FAT4: variants seen among roughly 807,000 people sequenced by gnomAD.
The protein encoded by FAT4 is protocadherin Fat 4.
Under a neutral mutation model 303.9 loss-of-function variants are expected in FAT4, and 84 were observed. The observed-to-expected ratio is 0.28, with a 90% CI of 0.23 to 0.33. The LOEUF (loss-of-function observed/expected upper bound fraction) is 0.33, where lower values mean the gene tolerates loss of function less well. Ranked by LOEUF, FAT4 falls within the 10% of genes least tolerant of loss-of-function variation. FAT4 has a pLI of 1.00. For missense variants in FAT4, 6,005 were observed against 6,146.8 expected, an observed-to-expected ratio of 0.98 and a Z score of 0.77; for synonymous variants, 2,307 against 2,298.8, an observed-to-expected ratio of 1.00 and a Z score of -0.10.
At chr4:125,391,472 AACACGTGGACACAGAGAAGGGAACAAC>A (rs1162390719) in intron 2 of FAT4, among the ~76,000 whole-genome samples, 1 of 152,128 alleles carries the variant, frequency 6.6e-6, no homozygotes, top group Non-Finnish European at 1.5e-5. Context: ...GAACAATGAG[AACACGTGGACACAGAGAAGGGAACAAC>A]ACACACCAAG....
rs1560752487 is a variant in FAT4 at position 125,317,287 on chromosome 4, G to A, written c.876G>A (p.Glu292=). The change falls in exon 2 of 18, where the codon GAG becomes GAA. Residue 292 remains glutamate (E), a synonymous_variant. Transcript: ENST00000394329. The surrounding 1 kb of genome is among the most constrained non-coding windows in gnomAD (Gnocchi z 7.0). ...ACATCCGCTATCGCCTGCAGGACGA[G>A]GGGACCCCCTTCCAAATGGACCCTG... ...NADIRYRLQD[E]GTPFQMDPET... 3 of 1,593,010 alleles carry A rather than the reference G, an allele frequency of 1.9e-6. No individual in the cohort carries two copies. Among genetic ancestry groups the A allele is most frequent in the Non-Finnish European group, 1.7e-6 (2 of 1,167,418 alleles).
At chr4:125,349,725 T>G (rs974454326) in intron 2 of FAT4, among the ~76,000 whole-genome samples, 30 of 151,914 alleles carry the variant, frequency 2.0e-4, no homozygotes, top group Non-Finnish European at 2.9e-4. Flanking sequence ...ATTGTCATTT[T>G]GCTTGACATT....
At chr4:125,375,173 C>T (rs909447784) in intron 2 of FAT4, among the ~76,000 whole-genome samples, 3 of 152,142 alleles carry the variant, frequency 2.0e-5, no homozygotes, top group Non-Finnish European at 4.4e-5. Context: ...AGTGATTTAG[C>T]AACCACAAAA....
rs1730896068 is a variant in FAT4, at chr4:125,320,578, T to C, written c.4167T>C (p.Asn1389=). 2 of 1,613,942 alleles carry C rather than the reference T, an allele frequency of 1.2e-6. No homozygotes were observed. Among genetic ancestry groups the C allele is most frequent in the East Asian group, 4.5e-5 (2 of 44,890 alleles). The change falls in exon 2 of 18, where the codon AAT becomes AAC. Residue 1389 remains asparagine, a synonymous_variant. Coordinates refer to ENST00000394329, the MANE Select transcript of FAT4 (RefSeq NM_001291303.3). ...DFETQSLYKL[N]ITAKDQGRPP... ...AAACACAGTCTTTGTATAAATTAAA[T>C]ATAACAGCAAAAGACCAAGGAAGAC...
At chr4:125,469,498 A>C (rs1383589878) in intron 12 of FAT4, among the ~76,000 whole-genome samples, 1 of 152,204 alleles carries the variant, frequency 6.6e-6, no homozygotes, top group Non-Finnish European at 1.5e-5. Flanking sequence ...AGCCTCTCTC[A>C]AACCTTGATG....
intron 7 of FAT4, among the ~76,000 whole-genome samples, chr4:125,416,889 T>A (rs1406023058): frequency 6.7e-6 from 1 of 150,118 alleles, no homozygotes; most frequent in Non-Finnish European, 1.5e-5. Context: ...GAGGTTGCAG[T>A]GAGCCGAGAT....
intron 8 of FAT4, among the ~76,000 whole-genome samples, chr4:125,436,701 G>C (rs781740446): frequency 5.9e-5 from 9 of 152,142 alleles, no homozygotes; most frequent in Non-Finnish European, 1.2e-4. Context: ...TAGCAGGCAA[G>C]AGAGCTTGTA....
At chr4:125,438,582 C>T (rs1206173361) in intron 8 of FAT4, among the ~76,000 whole-genome samples, 1 of 152,112 alleles carries the variant, frequency 6.6e-6, no homozygotes, top group African/African-American at 2.4e-5. Context: ...ATCATATATT[C>T]AGTTAAAATG....
At position 125,479,747 on chromosome 4, in the gene FAT4, T is replaced by C. The variant is rs569666845; in HGVS notation, c.12486T>C (p.Pro4162=). The C allele has an allele frequency of 8.2e-6, 13 of 1,592,234 alleles. No individual in the cohort carries two copies. The Admixed American group carries it at 2.0e-4, about 25-fold the overall frequency. ...TCATTATGATTTATTTTAGATGCCC[T>C]AGGCTGGAAGGCGCTTGTACTCGCA... ...LAAQGILDQC[P]RLEGACTRSP... Residue 4162 remains proline, a synonymous_variant, in exon 15 of 18, where the codon CCT becomes CCC. Coordinates refer to ENST00000394329, the MANE Select transcript of FAT4 (RefSeq NM_001291303.3).
chr4:125,430,669 AAT>A (rs1553925197), intron 7 of FAT4, among the ~76,000 whole-genome samples: 1 of 151,348 alleles, frequency 6.6e-6, no homozygotes, highest in Middle Eastern at 3.2e-3. Context: ...GGGAAAAAAA[AAT>A]AAGAAGAGAA....
chr4:125,391,133 A>G (rs1284488111), intron 2 of FAT4, among the ~76,000 whole-genome samples: 1 of 152,232 alleles, frequency 6.6e-6, no homozygotes, highest in Non-Finnish European at 1.5e-5. Context: ...ATCTAGAATC[A>G]GAAGTACCAT....
chr4:125,452,079 G>C lies in FAT4; in HGVS notation c.11069G>C (p.Gly3690Ala). 6.2e-7 allele frequency: 1 copy of C among 1,614,094 alleles called. No individual in the cohort carries two copies. The highest frequency in any genetic ancestry group is 8.5e-7 in the Non-Finnish European group (1 of 1,180,008). ...GATCTGACTGTCCTTAGCAATGATG[G>C]AGTTCACAGCACAGTCACGAGCAAC... Reference protein sequence around the residue: ...TFDLTVLSNDGVHSTVTSNIR... With the variant: ...TFDLTVLSNDAVHSTVTSNIR... The change falls in exon 10 of 18, where the codon GGA becomes GCA. Residue 3690 changes from glycine (G) to alanine (A), a missense_variant. Coordinates refer to ENST00000394329, the MANE Select transcript of FAT4 (RefSeq NM_001291303.3).
At chr4:125,330,162 G>A (rs1731322151) in intron 2 of FAT4, among the ~76,000 whole-genome samples, 1 of 152,048 alleles carries the variant, frequency 6.6e-6, no homozygotes, top group African/African-American at 2.4e-5. Context: ...TCTTCCTTCT[G>A]CATAGAACAC....
At chr4:125,447,936 G>A (rs1034278275) in intron 9 of FAT4, among the ~76,000 whole-genome samples, 1 of 151,762 alleles carries the variant, frequency 6.6e-6, no homozygotes, top group Admixed American at 6.6e-5. Flanking sequence ...AATAGTTCAC[G>A]TATAAAGGAA....
chr4:125,389,578 TGC>T, intron 2 of FAT4, among the ~76,000 whole-genome samples: 1 of 152,214 alleles, frequency 6.6e-6, no homozygotes, highest in Non-Finnish European at 1.5e-5. Flanking sequence ...GTTTCATTCA[TGC>T]AGGTGGTAGT....
At chr4:125,321,647 T>A in intron 2 of FAT4, 61 bp downstream of exon 2, 3 of 1,452,620 alleles carry the variant, frequency 2.1e-6, no homozygotes, top group Non-Finnish European at 2.8e-6. Context: ...TCATTCTCTT[T>A]ATATTTACTC....
At chr4:125,402,758 C>T (rs1172661010) in intron 3 of FAT4, among the ~76,000 whole-genome samples, 1 of 151,954 alleles carries the variant, frequency 6.6e-6, no homozygotes, top group South Asian at 2.1e-4. Flanking sequence ...ACTGTGTCAG[C>T]TTTACATGCC....
At chr4:125,429,953 C>T (rs917216592) in intron 7 of FAT4, among the ~76,000 whole-genome samples, 6 of 152,018 alleles carry the variant, frequency 3.9e-5, no homozygotes, top group Admixed American at 2.6e-4. Context: ...AGTAATACTC[C>T]GGAGAACCTC....
chr4:125,453,254 T>G (rs1726160055), intron 10 of FAT4, among the ~76,000 whole-genome samples: 1 of 152,222 alleles, frequency 6.6e-6, no homozygotes, highest in African/African-American at 2.4e-5. Context: ...ACATAAGATT[T>G]GGACCATTTT....
Sources: allele counts gnomAD v4.1 joint callset (sites outside exome capture counted in the v4.1 genomes callset), GRCh38; gene constraint gnomAD v4.1.1; non-coding constraint Gnocchi (gnomAD v3.1); transcripts MANE v1.5; gene names NCBI Gene and HGNC (gene_info 2026-07-23, HGNC 2026-07-21).